MTHFD1: variants seen among roughly 807,000 people sequenced by gnomAD.
The protein encoded by MTHFD1 is methylenetetrahydrofolate dehydrogenase, cyclohydrolase and formyltetrahydrofolate synthetase 1.
In MTHFD1, 44 loss-of-function variants were observed where a neutral mutation model predicts 110.3. The observed-to-expected ratio is 0.40, with a 90% confidence interval of 0.31 to 0.51. The LOEUF (loss-of-function observed/expected upper bound fraction) is 0.51. Ranked by LOEUF, MTHFD1 falls within the 20% of genes least tolerant of loss-of-function variation. MTHFD1 has a pLI of 0.60. For missense variants in MTHFD1, 909 were observed against 1,173.1 expected (o/e 0.77, Z 3.29); for synonymous variants, 402 against 428.8 (o/e 0.94, Z 0.77).
intron 1 of MTHFD1, among the ~76,000 whole-genome samples, chr14:64,394,694 T>A (rs2077833443): frequency 6.6e-6 from 1 of 152,116 alleles, no homozygotes; most frequent in Admixed American, 6.5e-5. Flanking sequence ...CTGCAATGAA[T>A]GACTTAACAT....
At chr14:64,428,917 T>C (rs2078138379) in intron 12 of MTHFD1, among the ~76,000 whole-genome samples, 1 of 152,130 alleles carries the variant, frequency 6.6e-6, no homozygotes. Context: ...TTAACCCCCT[T>C]TCAACTTCAG....
At chr14:64,453,089 T>C (rs2078401745) in intron 24 of MTHFD1, among the ~76,000 whole-genome samples, 1 of 151,932 alleles carries the variant, frequency 6.6e-6, no homozygotes, top group Non-Finnish European at 1.5e-5. Context: ...CTGTTTATGA[T>C]GTACTTAGCG....
At chr14:64,419,756 T>G in intron 7 of MTHFD1, 58 bp from the exon 8 acceptor site, 2 of 1,145,358 alleles carry the variant, frequency 1.7e-6, no homozygotes, top group Non-Finnish European at 2.7e-6. Flanking sequence ...ATTTCTGGGT[T>G]TTTTTTTGGT....
intron 5 of MTHFD1, 30 bp downstream of exon 5, chr14:64,415,524 T>C (rs943502947): frequency 6.2e-7 from 1 of 1,613,772 alleles, no homozygotes; most frequent in Non-Finnish European, 8.5e-7. Flanking sequence ...CTATGTCTCA[T>C]TGCATGCTTT....
chr14:64,430,361 C>T, intron 13 of MTHFD1, 131 bp downstream of exon 13: 1 of 841,604 alleles, frequency 1.2e-6, no homozygotes, highest in Non-Finnish European at 2.0e-6. Flanking sequence ...TGCAATGGCG[C>T]AATCTCGGCT....
rs111451332 is a variant in MTHFD1 at position 64,388,626 on chromosome 14, C to A, written c.41+158C>A. 2.9e-3 allele frequency: 2,125 copies of A among 740,870 alleles called. 5 individuals are homozygous for A. Among genetic ancestry groups the A allele is most frequent in the Non-Finnish European group, 4.6e-3 (1,889 of 413,256 alleles). The allele number at this position is 740,870 out of a possible 1,614,324, so 45.9% of individuals were successfully genotyped here. On this transcript the variant is annotated intron_variant, in intron 1 of 27. Transcript: ENST00000652337. Reference sequence around the variant, plus strand: ...TGCAGCCAAAGAAAGAGAACCCGGGCACAACCTGCGTTTGCAAGTGGACTG... The same window carrying A: ...TGCAGCCAAAGAAAGAGAACCCGGGAACAACCTGCGTTTGCAAGTGGACTG...
chr14:64,433,305 GAGA>G (rs1056874007), intron 15 of MTHFD1, among the ~76,000 whole-genome samples: 58 of 152,144 alleles, frequency 3.8e-4, no homozygotes, highest in African/African-American at 1.4e-3. Context: ...TTTTAGTAGA[GAGA>G]AGGTTTCATC....
chr14:64,430,375 T>A, intron 13 of MTHFD1, 145 bp downstream of exon 13: 1 of 747,458 alleles, frequency 1.3e-6, no homozygotes, highest in African/African-American at 1.7e-5. Context: ...CTCGGCTCAC[T>A]GCAACCTCTG....
Position 64,449,195 on chromosome 14 carries a change from G to A in MTHFD1, c.2280-250G>A, listed in dbSNP as rs951093519. On this transcript the variant is annotated intron_variant, in intron 23 of 27. Coordinates refer to ENST00000652337, the MANE Select transcript of MTHFD1 (RefSeq NM_005956.4). ...GGATTTACCATCTGAGTCTCATAAC[G>A]TCCCAATGAAATAAGTGCTGTGATT... 2.4e-5 allele frequency: 13 copies of A among 545,598 alleles called. 1 individual carries two copies. Among genetic ancestry groups the A allele is most frequent in the Admixed American group, 8.7e-5 (3 of 34,572 alleles). The allele number at this position is 545,598 out of a possible 1,614,324, so 33.8% of individuals were successfully genotyped here.
chr14:64,419,735 A>G, intron 7 of MTHFD1, 79 bp from the exon 8 acceptor site: 1 of 927,824 alleles, frequency 1.1e-6, no homozygotes, highest in Non-Finnish European at 1.8e-6. Context: ...AAGCTCAGGG[A>G]TATCCTTTTC....
chr14:64,453,673 A>G lies in MTHFD1; in HGVS notation c.2458-81A>G, dbSNP rs2078416191. On this transcript the variant is annotated intron_variant, in intron 24 of 27. Coordinates refer to ENST00000652337, the MANE Select transcript of MTHFD1 (RefSeq NM_005956.4). ...TCTTCTGCCCCTTTTAGGGACTCTG[A>G]CCTAGAATGTGGCTATGTCCTGGTT... The G allele has an allele frequency of 2.5e-5, 20 of 814,810 alleles. No individual in the cohort carries two copies. In the South Asian group the frequency reaches 2.8e-4, roughly 12 times the overall value. The allele number at this position is 814,810 out of a possible 1,614,324, so 50.5% of individuals were successfully genotyped here. A position where few individuals can be genotyped will look rare whatever the true frequency, so the allele number is the denominator to read the frequency against.
intron 8 of MTHFD1, among the ~76,000 whole-genome samples, chr14:64,422,404 C>G (rs1349652258): frequency 2.0e-5 from 3 of 152,130 alleles, no homozygotes; most frequent in Non-Finnish European, 4.4e-5. Flanking sequence ...CATTGTAAGT[C>G]ACTTGCCAAA....
chr14:64,441,725 C>T, intron 19 of MTHFD1: 1 of 547,852 alleles, frequency 1.8e-6, no homozygotes, highest in Non-Finnish European at 3.3e-6. Context: ...ATGGCGTGAA[C>T]CTGGGAGGCA....
intron 1 of MTHFD1, among the ~76,000 whole-genome samples, chr14:64,398,104 A>G (rs1707641561): frequency 6.6e-6 from 1 of 152,128 alleles, no homozygotes; most frequent in African/African-American, 2.4e-5. Flanking sequence ...AAACTGCAGT[A>G]TTCCCTGTTC....
At chr14:64,432,487 T>A (rs529036137) in intron 15 of MTHFD1, among the ~76,000 whole-genome samples, 1 of 152,198 alleles carries the variant, frequency 6.6e-6, no homozygotes, top group African/African-American at 2.4e-5. Flanking sequence ...ATGTCTTTCA[T>A]TGGATGAATA....
intron 12 of MTHFD1, among the ~76,000 whole-genome samples, chr14:64,429,738 C>T (rs1239035916): frequency 2.0e-5 from 3 of 151,492 alleles, no homozygotes; most frequent in Non-Finnish European, 4.4e-5. Context: ...TCCAAGTAGC[C>T]CAAAAAAATC....
At chr14:64,403,695 C>T (rs746296513) in intron 2 of MTHFD1, among the ~76,000 whole-genome samples, 11 of 152,042 alleles carry the variant, frequency 7.2e-5, no homozygotes, top group Admixed American at 5.3e-4. Flanking sequence ...GCATGAGCTA[C>T]TGCGCTTGGC....
At chr14:64,447,989 C>T in intron 22 of MTHFD1, 1 of 562,588 alleles carries the variant, frequency 1.8e-6, no homozygotes, top group Non-Finnish European at 3.2e-6. Context: ...GGGAAACAAG[C>T]AGAGCTCTAC....
intron 15 of MTHFD1, 40 bp from the exon 16 acceptor site, chr14:64,435,529 G>C (rs748452388): frequency 9.5e-6 from 13 of 1,364,054 alleles, no homozygotes; most frequent in Non-Finnish European, 1.4e-5. Flanking sequence ...TTGTGCTTCT[G>C]TTTGTCTTAT....
Sources: allele counts gnomAD v4.1 joint callset (sites outside exome capture counted in the v4.1 genomes callset), GRCh38; gene constraint gnomAD v4.1.1; transcripts MANE v1.5; gene names NCBI Gene and HGNC (gene_info 2026-07-23, HGNC 2026-07-21).